The following OSBPL10 variants were observed in gnomAD, a reference collection of about 807,000 sequenced individuals.
OSBPL10 encodes oxysterol binding protein like 10.
OSBPL10 carries 49 observed loss-of-function variants against 81.7 expected under a neutral mutation model. The ratio of observed to expected loss-of-function variants is 0.60; its 90% confidence interval spans 0.48 to 0.76. OSBPL10 has a LOEUF of 0.76. OSBPL10 is among the 30% of genes least tolerant of loss of function. The pLI, the probability that OSBPL10 is intolerant of heterozygous loss-of-function variation, is 0.00. For missense variants in OSBPL10, 923 were observed against 987.8 expected (o/e 0.93, Z 0.88); for synonymous variants, 419 against 383.6 (o/e 1.09, Z -1.08).
At chr3:31,734,789 C>G (rs901928481) in intron 5 of OSBPL10, among the ~76,000 whole-genome samples, 4 of 152,154 alleles carry the variant, frequency 2.6e-5, no homozygotes, top group African/African-American at 9.7e-5. Context: ...GACTGACACT[C>G]TGTAGATTCT....
At chr3:31,774,176 A>AAG (rs1234967634) in intron 4 of OSBPL10, among the ~76,000 whole-genome samples, 1 of 139,530 alleles carries the variant, frequency 7.2e-6, no homozygotes, top group African/African-American at 2.8e-5. Flanking sequence ...AAAAAAAAAA[A>AAG]AAAGAAAGAC....
rs34141476 is a variant in OSBPL10 at position 32,024,486 on chromosome 3, A to ATTTT, written n.298+22001_298+22004dup. Among the ~76,000 whole-genome samples, 101 of 111,724 alleles carry ATTTT rather than the reference A, an allele frequency of 9.0e-4. 1 individual carries two copies. The highest frequency in any genetic ancestry group is 2.2e-3 in the African/African-American group (61 of 27,986). 73.3% of individuals were successfully genotyped at this position (111,724 alleles called of 152,430 possible). A position where few individuals can be genotyped will look rare whatever the true frequency, so the allele number is the denominator to read the frequency against. ...ATTTTATTTACGTATTGTGAATGGA[A>ATTTT]TTTTTTTTTTTTTTTTTTTTTGAGA... On this transcript the variant is annotated intron_variant and non_coding_transcript_variant, in intron 2 of 3. Transcript: ENST00000479173.
intron 4 of OSBPL10, among the ~76,000 whole-genome samples, chr3:31,751,719 A>C (rs72859633): frequency 0.049 from 7,479 of 152,302 alleles, 613 homozygotes; most frequent in African/African-American, 0.17. Flanking sequence ...CAAGCTTTAC[A>C]GTGATTGGCA....
intron 5 of OSBPL10, among the ~76,000 whole-genome samples, chr3:31,735,398 C>A (rs1399662199): frequency 6.6e-6 from 1 of 152,136 alleles, no homozygotes; most frequent in Non-Finnish European, 1.5e-5. Context: ...GGTGATTGCA[C>A]CACTACCCTC....
intron 6 of OSBPL10, chr3:31,709,214 C>T (rs1329225049): frequency 5.2e-6 from 1 of 192,924 alleles, no homozygotes; most frequent in African/African-American, 2.4e-5. Flanking sequence ...CATCACAATC[C>T]TCCTGCCGCC....
chr3:31,674,568 A>G (rs1345230556), intron 8 of OSBPL10, among the ~76,000 whole-genome samples: 1 of 149,208 alleles, frequency 6.7e-6, no homozygotes, highest in Non-Finnish European at 1.5e-5. Flanking sequence ...TCAAATAGAT[A>G]GACAGATAGA....
At chr3:31,683,542 C>CA (rs1267775609) in intron 8 of OSBPL10, 92 bp downstream of exon 8, 3 of 1,501,798 alleles carry the variant, frequency 2.0e-6, no homozygotes, top group African/African-American at 2.8e-5. Flanking sequence ...ACAACAACAA[C>CA]AAAAAACTCC....
intron 2 of OSBPL10, among the ~76,000 whole-genome samples, chr3:32,005,026 C>T (rs1408190607): frequency 2.0e-5 from 3 of 152,066 alleles, no homozygotes; most frequent in Non-Finnish European, 4.4e-5. Flanking sequence ...GGTATCACAC[C>T]GTAGATCTTA....
chr3:31,775,448 G>C (rs1698523165), intron 4 of OSBPL10, among the ~76,000 whole-genome samples: 1 of 152,126 alleles, frequency 6.6e-6, no homozygotes, highest in African/African-American at 2.4e-5. Context: ...CCTAGGAAAA[G>C]AAGGGATGGT....
chr3:32,005,905 G>T (rs1335377503), intron 2 of OSBPL10, among the ~76,000 whole-genome samples: 1 of 151,500 alleles, frequency 6.6e-6, no homozygotes, highest in East Asian at 2.0e-4. Flanking sequence ...TGGCTTTTAA[G>T]TGGTGTCTTG....
intron 1 of OSBPL10, among the ~76,000 whole-genome samples, chr3:31,942,247 T>G (rs1031492261): frequency 2.6e-5 from 4 of 151,784 alleles, no homozygotes; most frequent in Admixed American, 2.6e-4. Flanking sequence ...AAGAATGCAA[T>G]GTATGGCTCA....
At chr3:31,812,650 TC>T (rs1335929823) in intron 4 of OSBPL10, among the ~76,000 whole-genome samples, 1 of 150,270 alleles carries the variant, frequency 6.7e-6, no homozygotes, top group Non-Finnish European at 1.5e-5. Context: ...CCTTCTCATC[TC>T]CTGAATGTTA....
intron 1 of OSBPL10, among the ~76,000 whole-genome samples, chr3:31,908,396 A>T (rs1422731228): frequency 6.6e-6 from 1 of 152,226 alleles, no homozygotes. Flanking sequence ...ATGTGAGCAC[A>T]GAACCTGTGC....
intron 1 of OSBPL10, among the ~76,000 whole-genome samples, chr3:31,936,783 C>T (rs1417428110): frequency 1.3e-5 from 2 of 151,676 alleles, no homozygotes; most frequent in Non-Finnish European, 2.9e-5. Flanking sequence ...TGTTTAAATT[C>T]CCCAAAGGAA....
intron 1 of OSBPL10, among the ~76,000 whole-genome samples, chr3:31,892,773 T>C (rs954171638): frequency 6.6e-6 from 1 of 152,056 alleles, no homozygotes; most frequent in Non-Finnish European, 1.5e-5. Flanking sequence ...TCAGGTAAAG[T>C]GGCAATTGCA....
chr3:31,847,651 A>G (rs1273149934), intron 3 of OSBPL10, among the ~76,000 whole-genome samples: 1 of 152,110 alleles, frequency 6.6e-6, no homozygotes, highest in African/African-American at 2.4e-5. Context: ...CTCAACACTG[A>G]GAGAGAGAAT....
At chr3:31,965,674 T>G (rs866318866) in intron 1 of OSBPL10, among the ~76,000 whole-genome samples, 1 of 44,438 alleles carries the variant, frequency 2.3e-5, no homozygotes, top group Non-Finnish European at 3.7e-5. Flanking sequence ...ATATTTTATA[T>G]AATATATATT....
intron 4 of OSBPL10, among the ~76,000 whole-genome samples, chr3:31,820,166 C>A (rs760162678): frequency 6.6e-6 from 1 of 152,016 alleles, no homozygotes; most frequent in Non-Finnish European, 1.5e-5. Context: ...GAGGATAGCA[C>A]AAGGAAAGTA....
At chr3:31,898,006 C>CA (rs58479197) in intron 1 of OSBPL10, among the ~76,000 whole-genome samples, 1,828 of 62,400 alleles carry the variant, frequency 0.029, 371 homozygotes, top group Non-Finnish European at 0.044. Flanking sequence ...AGAACTCTGT[C>CA]AAAAAAAAAA....
Sources: gnomAD v4.1 joint callset for allele counts (sites outside exome capture counted in the v4.1 genomes callset) on GRCh38, gnomAD v4.1.1 for gene constraint, MANE v1.5 for transcripts, NCBI Gene and HGNC (gene_info 2026-07-23, HGNC 2026-07-21) for gene names.